The following UNC80 variants were observed in gnomAD, a reference collection of about 807,000 sequenced individuals.
UNC80 encodes protein unc-80 homolog.
Under a neutral mutation model 384.6 loss-of-function variants are expected in UNC80, and 164 were observed. The observed-to-expected ratio is 0.43, with a 90% CI of 0.38 to 0.49. The LOEUF (loss-of-function observed/expected upper bound fraction) is 0.49, where lower values mean the gene tolerates loss of function less well. Ranked by LOEUF, UNC80 falls within the 20% of genes least tolerant of loss-of-function variation. The pLI is 0.00. For missense variants in UNC80, 3,330 were observed against 4,143.0 expected (o/e 0.80, Z 5.39); for synonymous variants, 1,486 against 1,527.8 (o/e 0.97, Z 0.64).
At chr2:209,988,381 A>G (rs1399633507) in intron 61 of UNC80, among the ~76,000 whole-genome samples, 4 of 152,174 alleles carry the variant, frequency 2.6e-5, no homozygotes, top group Non-Finnish European at 4.4e-5. Context: ...TAAATTTTTA[A>G]TTTATGGGAA....
chr2:209,991,613 A>G (rs920933600), intron 61 of UNC80, among the ~76,000 whole-genome samples: 8 of 152,188 alleles, frequency 5.3e-5, no homozygotes, highest in African/African-American at 1.9e-4. Context: ...ATTTTTAAAA[A>G]AACATTTGTT....
At chr2:209,894,004 G>A (rs889574154) in intron 26 of UNC80, among the ~76,000 whole-genome samples, 159 bp from the exon 27 acceptor site, 1 of 152,164 alleles carries the variant, frequency 6.6e-6, no homozygotes, top group African/African-American at 2.4e-5. Context: ...CTTCCTGGTG[G>A]TTCCTGCAGG....
chr2:209,816,505 T>C (rs1005718796), intron 9 of UNC80, among the ~76,000 whole-genome samples: 16 of 152,230 alleles, frequency 1.1e-4, no homozygotes, highest in African/African-American at 3.9e-4. Context: ...ACCTTGTGAT[T>C]TGCAAACTTT....
At chr2:209,809,202 G>A in intron 7 of UNC80, 1 of 668,126 alleles carries the variant, frequency 1.5e-6, no homozygotes, top group South Asian at 1.7e-5. Flanking sequence ...GCAAGCAGCT[G>A]GCCCAGGTCT....
chr2:209,981,991 C>T lies in UNC80; in HGVS notation c.9119-188C>T, dbSNP rs558412015. Reference sequence around the variant, plus strand: ...TGGAAGGGTGGGAGATGTATAGACACGAAGAATTATCATTACCCCCAAAGG... The same window carrying T: ...TGGAAGGGTGGGAGATGTATAGACATGAAGAATTATCATTACCCCCAAAGG... On this transcript the variant is annotated intron_variant, in intron 59 of 64. Coordinates refer to ENST00000673920, the MANE Select transcript of UNC80 (RefSeq NM_001371986.1). 5.3e-5 allele frequency among the ~76,000 whole-genome samples: 8 copies of T among 152,118 alleles called. No individual in the cohort carries two copies. In the South Asian group the frequency reaches 1.2e-3, roughly 24 times the overall value.
intron 6 of UNC80, among the ~76,000 whole-genome samples, chr2:209,790,700 GA>G (rs570227600): frequency 1.3e-5 from 2 of 152,148 alleles, no homozygotes; most frequent in Admixed American, 6.5e-5. Context: ...TTATTCTTTG[GA>G]AAAACTCAAG....
At chr2:209,905,073 G>T in intron 29 of UNC80, 108 bp downstream of exon 29, 1 of 1,155,848 alleles carries the variant, frequency 8.7e-7, no homozygotes, top group East Asian at 2.6e-5. Flanking sequence ...TAACAATCAG[G>T]TCTGTGTGCA....
intron 7 of UNC80, chr2:209,808,801 A>AGCGACCTCGTTGCCTCGGCCT: frequency 4.0e-5 from 1 of 25,138 alleles, no homozygotes. Flanking sequence ...TGCCTCTGCC[A>AGCGACCTCGTTGCCTCGGCCT]CCATGCCGCG....
intron 22 of UNC80, among the ~76,000 whole-genome samples, chr2:209,850,426 C>T (rs1365616841): frequency 6.6e-6 from 1 of 152,024 alleles, no homozygotes; most frequent in Non-Finnish European, 1.5e-5. Flanking sequence ...AACTTTAAGC[C>T]TGCCAATAAA....
intron 28 of UNC80, among the ~76,000 whole-genome samples, chr2:209,898,695 T>C (rs1018689253): frequency 6.6e-6 from 1 of 152,304 alleles, no homozygotes; most frequent in Non-Finnish European, 1.5e-5. Context: ...TATTGTGCTA[T>C]CAAATAGTAA....
At chr2:209,899,497 A>G (rs1470651534) in intron 28 of UNC80, among the ~76,000 whole-genome samples, 1 of 152,094 alleles carries the variant, frequency 6.6e-6, no homozygotes, top group Non-Finnish European at 1.5e-5. Context: ...TATTAATTTA[A>G]AAAAAAGCAC....
intron 28 of UNC80, among the ~76,000 whole-genome samples, chr2:209,903,282 T>C (rs1304045216): frequency 1.5e-5 from 2 of 130,810 alleles, no homozygotes; most frequent in South Asian, 2.3e-4. Context: ...AGCTGACTTA[T>C]GTGTGTGTGT....
chr2:209,937,021 G>A lies in UNC80; in HGVS notation c.6363+88G>A, dbSNP rs114989883. On this transcript the variant is annotated intron_variant, in intron 41 of 64. Transcript: ENST00000673920. ...GGTGGCTCACAGTCAGGGAGGCATC[G>A]CTGTTTAGAAGGTAATAGTATGGCC... is the stretch of plus-strand genomic sequence containing the variant. 1,014 of 908,562 alleles carry A rather than the reference G, an allele frequency of 1.1e-3. 9 individuals carry two copies. The African/African-American group carries it at 0.015, about 13-fold the overall frequency. The allele number at this position is 908,562 out of a possible 1,614,324, so 56.3% of individuals were successfully genotyped here. A position where few individuals can be genotyped will look rare whatever the true frequency, so the allele number is the denominator to read the frequency against.
chr2:209,848,032 A>G (rs1382230810), intron 21 of UNC80, among the ~76,000 whole-genome samples: 1 of 152,056 alleles, frequency 6.6e-6, no homozygotes, highest in African/African-American at 2.4e-5. Context: ...TTTATATACT[A>G]TTAAAGGGGT....
chr2:209,953,416 CAAAAAA>C (rs543990253), intron 47 of UNC80, among the ~76,000 whole-genome samples: 113 of 42,438 alleles, frequency 2.7e-3, no homozygotes, highest in African/African-American at 8.6e-3. Flanking sequence ...AAGACTCTGT[CAAAAAA>C]AAAAAAAAAA....
intron 10 of UNC80, 91 bp from the exon 11 acceptor site, chr2:209,817,721 C>T: frequency 1.4e-6 from 2 of 1,466,020 alleles, no homozygotes; most frequent in East Asian, 2.5e-5. Context: ...CAGCCCCACA[C>T]TCTCCCTGCT....
At chr2:209,899,770 A>C (rs538605362) in intron 28 of UNC80, among the ~76,000 whole-genome samples, 46 of 152,280 alleles carry the variant, frequency 3.0e-4, no homozygotes, top group African/African-American at 1.1e-3. Context: ...ATCACAATGA[A>C]ATTTCCAAAG....
intron 47 of UNC80, among the ~76,000 whole-genome samples, chr2:209,951,905 C>A (rs1249946450): frequency 6.6e-6 from 1 of 152,004 alleles, no homozygotes; most frequent in African/African-American, 2.4e-5. Flanking sequence ...TCATTTCTCC[C>A]CTCTGTTCTG....
At chr2:209,929,516 C>A (rs2090688228) in intron 36 of UNC80, among the ~76,000 whole-genome samples, 1 of 152,158 alleles carries the variant, frequency 6.6e-6, no homozygotes, top group African/African-American at 2.4e-5. Context: ...TTCATAGTTT[C>A]TCCATAAAAT....
Sources: allele counts gnomAD v4.1 joint callset (sites outside exome capture counted in the v4.1 genomes callset), GRCh38; gene constraint gnomAD v4.1.1; transcripts MANE v1.5; gene names NCBI Gene and HGNC (gene_info 2026-07-23, HGNC 2026-07-21).